The following BABAM2 variants were observed in gnomAD, a reference collection of about 807,000 sequenced individuals.
BABAM2 encodes BRISC and BRCA1-A complex member 2.
Under a neutral mutation model 54.7 loss-of-function variants are expected in BABAM2, and 31 were observed. The ratio of observed to expected loss-of-function variants is 0.57; its 90% CI spans 0.43 to 0.77. The LOEUF (loss-of-function observed/expected upper bound fraction) is 0.77. Ranked by LOEUF, BABAM2 falls within the 30% of genes least tolerant of loss-of-function variation. BABAM2 has a pLI of 0.00. For synonymous variants in BABAM2, 167 were observed against 162.9 expected, an observed-to-expected ratio of 1.03 and a Z score of -0.19; for missense variants, 364 against 455.8, an observed-to-expected ratio of 0.80 and a Z score of 1.83.
intron 10 of BABAM2, among the ~76,000 whole-genome samples, chr2:28,288,748 C>G (rs924637374): frequency 6.6e-6 from 1 of 152,220 alleles, no homozygotes; most frequent in Non-Finnish European, 1.5e-5. Context: ...TTGTAACCAT[C>G]TAGAACCAAC....
chr2:28,048,321 G>A (rs1387877806), intron 6 of BABAM2, among the ~76,000 whole-genome samples: 1 of 152,146 alleles, frequency 6.6e-6, no homozygotes. Context: ...AAATGAAAAA[G>A]CCATTCAATA....
intron 2 of BABAM2, among the ~76,000 whole-genome samples, chr2:27,902,008 TCTTTC>T (rs1301576802): frequency 6.6e-6 from 1 of 152,224 alleles, no homozygotes; most frequent in Non-Finnish European, 1.5e-5. Flanking sequence ...CAGGTTTGGT[TCTTTC>T]CTTTGTGCTG....
intron 10 of BABAM2, among the ~76,000 whole-genome samples, chr2:28,294,663 G>A (rs187334036): frequency 6.6e-6 from 1 of 152,216 alleles, no homozygotes; most frequent in Admixed American, 6.5e-5. Flanking sequence ...AAAATGTGAA[G>A]TATTTCTCAT....
At chr2:28,233,271 G>C (rs771845891) in intron 7 of BABAM2, 2 of 471,146 alleles carry the variant, frequency 4.2e-6, no homozygotes, top group South Asian at 3.1e-5. Flanking sequence ...CAGCCACTTA[G>C]TGGGTTAGTC....
At chr2:28,118,756 G>T (rs983789649) in intron 6 of BABAM2, among the ~76,000 whole-genome samples, 1 of 151,882 alleles carries the variant, frequency 6.6e-6, no homozygotes, top group Non-Finnish European at 1.5e-5. Flanking sequence ...TTCAATTTTG[G>T]CTTTTGTTGC....
At chr2:28,028,135 G>T (rs963912837) in intron 5 of BABAM2, among the ~76,000 whole-genome samples, 1 of 152,044 alleles carries the variant, frequency 6.6e-6, no homozygotes, top group Admixed American at 6.6e-5. Flanking sequence ...AATAGTTGGC[G>T]TAGTTCAGTT....
intron 6 of BABAM2, among the ~76,000 whole-genome samples, chr2:28,112,147 T>TTCCTTCCC (rs1558346715): frequency 1.9e-4 from 1 of 5,240 alleles, no homozygotes. Flanking sequence ...CTTTCTTTCT[T>TTCCTTCCC]TACCTCCCTC....
At chr2:28,233,506 T>C (rs1471723666) in intron 7 of BABAM2, among the ~76,000 whole-genome samples, 2 of 152,230 alleles carry the variant, frequency 1.3e-5, no homozygotes. Context: ...TTATTCAGCA[T>C]GATCAGGGCA....
At chr2:28,013,602 A>G (rs1262230261) in intron 4 of BABAM2, among the ~76,000 whole-genome samples, 1 of 150,920 alleles carries the variant, frequency 6.6e-6, no homozygotes, top group Non-Finnish European at 1.5e-5. Context: ...TATTACCACA[A>G]GTAGCTAGAA....
At chr2:27,949,154 A>G (rs1669520093) in intron 3 of BABAM2, among the ~76,000 whole-genome samples, 1 of 152,234 alleles carries the variant, frequency 6.6e-6, no homozygotes, top group Non-Finnish European at 1.5e-5. Context: ...AAGGAAGGCG[A>G]GTACATTGAA....
At chr2:28,186,834 C>T (rs545141427) in intron 7 of BABAM2, among the ~76,000 whole-genome samples, 2 of 148,406 alleles carry the variant, frequency 1.3e-5, no homozygotes, top group East Asian at 3.9e-4. Flanking sequence ...GAGACAGAGT[C>T]TTGCTCTGTC....
intron 11 of BABAM2, among the ~76,000 whole-genome samples, chr2:28,338,005 T>TA (rs895537872): frequency 3.3e-5 from 5 of 152,150 alleles, no homozygotes; most frequent in African/African-American, 9.7e-5. Flanking sequence ...TCAAATGTGT[T>TA]AAAAAACTTA....
At chr2:28,025,967 G>A (rs150982586) in intron 5 of BABAM2, among the ~76,000 whole-genome samples, 2 of 152,194 alleles carry the variant, frequency 1.3e-5, no homozygotes, top group Admixed American at 6.5e-5. Flanking sequence ...CATGGTAAAA[G>A]CCAAAGTCCT....
intron 10 of BABAM2, among the ~76,000 whole-genome samples, chr2:28,247,288 C>T (rs920878299): frequency 2.0e-5 from 3 of 152,196 alleles, no homozygotes; most frequent in African/African-American, 7.2e-5. Flanking sequence ...GTTTCCTGCT[C>T]CCTCACTAAC....
intron 3 of BABAM2, among the ~76,000 whole-genome samples, chr2:27,972,357 G>T (rs1030912721): frequency 1.3e-5 from 2 of 152,204 alleles, no homozygotes; most frequent in Non-Finnish European, 2.9e-5. Context: ...ATATAAGAAA[G>T]AACTTTTTTC....
At chr2:27,948,569 G>C (rs1669470272) in intron 3 of BABAM2, among the ~76,000 whole-genome samples, 1 of 152,190 alleles carries the variant, frequency 6.6e-6, no homozygotes, top group Non-Finnish European at 1.5e-5. Context: ...TCAGGAGTTA[G>C]AGACCAGCCT....
chr2:28,168,582 A>G (rs1313984815), intron 7 of BABAM2, among the ~76,000 whole-genome samples: 1 of 152,180 alleles, frequency 6.6e-6, no homozygotes, highest in Admixed American at 6.5e-5. Context: ...GGAAGTGGTT[A>G]TGGCCCAAGG....
At chr2:28,120,774 G>A (rs1668999887) in intron 6 of BABAM2, among the ~76,000 whole-genome samples, 1 of 152,158 alleles carries the variant, frequency 6.6e-6, no homozygotes, top group African/African-American at 2.4e-5. Context: ...GAAGCAACAT[G>A]GGGAAAACTA....
At chr2:27,986,628 T>C (rs1672418324) in intron 3 of BABAM2, among the ~76,000 whole-genome samples, 1 of 152,192 alleles carries the variant, frequency 6.6e-6, no homozygotes, top group African/African-American at 2.4e-5. Context: ...GTCATCATCA[T>C]GTTTTAGTCT....
Sources: allele counts gnomAD v4.1 joint callset (sites outside exome capture counted in the v4.1 genomes callset), GRCh38; gene constraint gnomAD v4.1.1; transcripts MANE v1.5; gene names NCBI Gene and HGNC (gene_info 2026-07-23, HGNC 2026-07-21).